The following PM20D2 variants were observed in gnomAD, a reference collection of about 807,000 sequenced individuals.
PM20D2 encodes the protein peptidase M20 domain containing 2.
Under a neutral mutation model 42.9 loss-of-function variants are expected in PM20D2, and 33 were observed. The observed-to-expected ratio is 0.77, with a 90% CI of 0.58 to 1.03. PM20D2 has a LOEUF of 1.03. Among genes scored for constraint, PM20D2 ranks in the 50% least tolerant of loss-of-function variants. The pLI is 0.00. For synonymous variants in PM20D2, 250 were observed against 228.2 expected, an observed-to-expected ratio of 1.10 and a Z score of -0.86; for missense variants, 548 against 557.0, an observed-to-expected ratio of 0.98 and a Z score of 0.16.
the PM20D2 span, among the ~76,000 whole-genome samples, chr6:89,129,119 T>C: frequency 6.6e-6 from 1 of 152,036 alleles, no homozygotes; most frequent in Non-Finnish European, 1.5e-5. Flanking sequence ...CAAGAACCCC[T>C]TGACACTCAT....
At chr6:89,152,928 A>C (rs1056455627) in intron 2 of PM20D2, 115 bp from the exon 3 acceptor site, 1 of 786,354 alleles carries the variant, frequency 1.3e-6, no homozygotes, top group Non-Finnish European at 1.9e-6. Flanking sequence ...TTGCAAATCA[A>C]AAGTCCAGCA....
chr6:89,102,729 CCT>C, the PM20D2 span, among the ~76,000 whole-genome samples: 2 of 151,872 alleles, frequency 1.3e-5, no homozygotes, highest in Non-Finnish European at 2.9e-5. Context: ...TTACAGAATA[CCT>C]TTTTTTACAT....
Position 89,161,778 on chromosome 6 carries a change from C to T in PM20D2, c.1049-5C>T, listed in dbSNP as rs761158954. On this transcript the variant is annotated splice_region_variant and splice_polypyrimidine_tract_variant and intron_variant, in intron 5 of 6. Coordinates refer to ENST00000275072, the MANE Select transcript of PM20D2 (RefSeq NM_001010853.3). ...TAGACTTTTCTTAACTTTGTGTGTT[C>T]CAAGGATCTACGGATTTTGGAAATG... is the stretch of plus-strand genomic sequence containing the variant. The T allele has an allele frequency of 3.1e-6, 5 of 1,593,630 alleles. No individual in the cohort carries two copies. Among genetic ancestry groups the T allele is most frequent in the Non-Finnish European group, 4.3e-6 (5 of 1,161,420 alleles).
chr6:89,140,990 C>T, the PM20D2 span, among the ~76,000 whole-genome samples: 1 of 152,152 alleles, frequency 6.6e-6, no homozygotes, highest in Admixed American at 6.5e-5. Flanking sequence ...TTACATTTTT[C>T]CCTTTCAACT....
At chr6:89,094,193 T>C in the PM20D2 span, among the ~76,000 whole-genome samples, 1 of 151,894 alleles carries the variant, frequency 6.6e-6, no homozygotes, top group Non-Finnish European at 1.5e-5. Context: ...AGTGCTGGGA[T>C]TACAGGCATC....
chr6:89,118,982 T>A, the PM20D2 span, among the ~76,000 whole-genome samples: 1 of 152,226 alleles, frequency 6.6e-6, no homozygotes, highest in Non-Finnish European at 1.5e-5. Flanking sequence ...TATTCAGGGC[T>A]GGGAGTGTAA....
chr6:89,158,401 A>G lies in PM20D2; in HGVS notation c.989A>G (p.Asn330Ser). ...NKSLWKAYME[N>S]GRKLGIEFIS... ...AGCCTATGGAAAGCCTATATGGAAA[A>G]TGGAAGAAAGCTAGGAATAGAGTTC... The change falls in exon 5 of 7, where the codon AAT becomes AGT. Residue 330 changes from asparagine (N) to serine (S), a missense_variant. Asn to Ser is a conservative substitution (Grantham distance 46, BLOSUM62 1). Coordinates refer to ENST00000275072, the MANE Select transcript of PM20D2 (RefSeq NM_001010853.3). The G allele has an allele frequency of 6.2e-7, 1 of 1,612,984 alleles. No individual in the cohort carries two copies. Among genetic ancestry groups the G allele is most frequent in the Non-Finnish European group, 8.5e-7 (1 of 1,179,630 alleles).
chr6:89,114,899 C>T, the PM20D2 span, among the ~76,000 whole-genome samples: 3 of 151,326 alleles, frequency 2.0e-5, no homozygotes, highest in African/African-American at 7.3e-5. Context: ...CGGGTTCAAG[C>T]GATTCTCCTG....
chr6:89,121,816 TA>T, the PM20D2 span, among the ~76,000 whole-genome samples: 25 of 152,320 alleles, frequency 1.6e-4, no homozygotes, highest in African/African-American at 6.0e-4. Flanking sequence ...TTAATACATT[TA>T]AAAAATTATG....
chr6:89,102,623 G>C, the PM20D2 span, among the ~76,000 whole-genome samples: 1 of 152,020 alleles, frequency 6.6e-6, no homozygotes, highest in African/African-American at 2.4e-5. Flanking sequence ...AATATATTTG[G>C]ACTAAAGAAA....
chr6:89,105,066 A>G, the PM20D2 span: 1 of 1,516,278 alleles, frequency 6.6e-7, no homozygotes, highest in Non-Finnish European at 8.9e-7. Flanking sequence ...AAAAATATAT[A>G]TCTATTTCCC....
chr6:89,122,490 T>C, the PM20D2 span, among the ~76,000 whole-genome samples: 1 of 152,234 alleles, frequency 6.6e-6, no homozygotes, highest in Non-Finnish European at 1.5e-5. Context: ...CTTCCATTTC[T>C]TAAATGGCTC....
upstream of PM20D2, among the ~76,000 whole-genome samples, chr6:89,143,689 C>G (rs2127769568): frequency 6.6e-6 from 1 of 152,104 alleles, no homozygotes; most frequent in South Asian, 2.1e-4. Flanking sequence ...ATAGGGTAGA[C>G]AGTTGTATGA....
the PM20D2 span, among the ~76,000 whole-genome samples, chr6:89,102,554 G>A: frequency 1.3e-4 from 20 of 152,048 alleles, no homozygotes; most frequent in East Asian, 3.9e-3. Flanking sequence ...GCTGTAGGAA[G>A]CAAAATGAAG....
At position 89,162,390 on chromosome 6, in the gene PM20D2, C is replaced by A; in HGVS notation, c.*127C>A. ...ATTCTTTTTACCTGATAAGTGAGGA[C>A]AGGGTGTGGAGAAAACATATTAATT... On this transcript the variant is annotated 3_prime_UTR_variant, in exon 7 of 7. Coordinates refer to ENST00000275072, the MANE Select transcript of PM20D2 (RefSeq NM_001010853.3). 1.0e-6 allele frequency: 1 copy of A among 1,004,974 alleles called. No homozygotes were observed. Among genetic ancestry groups the A allele is most frequent in the Non-Finnish European group, 1.4e-6 (1 of 707,506 alleles). The allele number at this position is 1,004,974 out of a possible 1,614,324, so 62.3% of individuals were successfully genotyped here. A position where few individuals can be genotyped will look rare whatever the true frequency, so the allele number is the denominator to read the frequency against.
chr6:89,157,641 C>A (rs1292502230), intron 4 of PM20D2, among the ~76,000 whole-genome samples: 5 of 152,090 alleles, frequency 3.3e-5, no homozygotes, highest in African/African-American at 4.8e-5. Context: ...GAGACTGAAT[C>A]CTAGAGCAGT....
chr6:89,160,689 C>G (rs1771204794), intron 5 of PM20D2, among the ~76,000 whole-genome samples: 1 of 152,130 alleles, frequency 6.6e-6, no homozygotes, highest in African/African-American at 2.4e-5. Context: ...TAAGCATGAA[C>G]CAAATCATCC....
chr6:89,161,670 T>C (rs45490196), intron 5 of PM20D2, 113 bp from the exon 6 acceptor site: 20,857 of 786,044 alleles, frequency 0.027, 376 homozygotes, highest in Non-Finnish European at 0.031. Context: ...CGGACAACTC[T>C]CCAAGAAGCT....
chr6:89,142,335 C>T (rs986903827), upstream of PM20D2, among the ~76,000 whole-genome samples: 1 of 152,080 alleles, frequency 6.6e-6, no homozygotes, highest in Non-Finnish European at 1.5e-5. Flanking sequence ...TGGAGTTAAC[C>T]AAGTTTGCAT....
Sources: gnomAD v4.1 joint callset for allele counts (sites outside exome capture counted in the v4.1 genomes callset) on GRCh38, gnomAD v4.1.1 for gene constraint, MANE v1.5 for transcripts, NCBI Gene and HGNC (gene_info 2026-07-23, HGNC 2026-07-21) for gene names.